Variants in PTPRD observed in about 807,000 individuals in gnomAD.
The protein encoded by PTPRD is protein tyrosine phosphatase receptor type D, also known as receptor-type tyrosine-protein phosphatase delta.
Under a neutral mutation model 214.5 loss-of-function variants are expected in PTPRD, and 34 were observed. The observed-to-expected ratio is 0.16, with a 90% CI of 0.12 to 0.21. The LOEUF is 0.21. Ranked by LOEUF, PTPRD falls within the 10% of genes least tolerant of loss-of-function variation. The pLI is 1.00. For missense variants in PTPRD, 2,545 were observed against 2,398.7 expected (o/e 1.06, Z -1.27); for synonymous variants, 1,128 against 845.7 (o/e 1.33, Z -5.79).
At chr9:9,283,678 A>T (rs1948496056) in intron 9 of PTPRD, among the ~76,000 whole-genome samples, 2 of 151,532 alleles carry the variant, frequency 1.3e-5, no homozygotes, top group Non-Finnish European at 3.0e-5. Flanking sequence ...GAACAAAAAA[A>T]AGTTGACTGG....
chr9:8,905,826 C>G (rs2098704007), intron 11 of PTPRD, among the ~76,000 whole-genome samples: 1 of 151,766 alleles, frequency 6.6e-6, no homozygotes, highest in African/African-American at 2.4e-5. Flanking sequence ...TGTCTTGACA[C>G]AGGATATTTC....
intron 9 of PTPRD, among the ~76,000 whole-genome samples, chr9:9,371,529 G>T (rs916234153): frequency 3.2e-4 from 48 of 152,154 alleles, no homozygotes; most frequent in Non-Finnish European, 5.9e-4. Flanking sequence ...CTTGCTAGTG[G>T]TCTATCAGTT....
chr9:8,821,914 C>T (rs999615272), intron 11 of PTPRD, among the ~76,000 whole-genome samples: 1 of 152,150 alleles, frequency 6.6e-6, no homozygotes, highest in Non-Finnish European at 1.5e-5. Flanking sequence ...CCACCCACCT[C>T]GGTCTCTCAA....
intron 11 of PTPRD, among the ~76,000 whole-genome samples, chr9:8,840,756 AT>A (rs77917780): frequency 6.0e-5 from 9 of 150,604 alleles, no homozygotes; most frequent in Non-Finnish European, 7.4e-5. Context: ...CCCATTCTTA[AT>A]TTTTTTTTTA....
chr9:9,612,145 A>C (rs1330292056), intron 7 of PTPRD, among the ~76,000 whole-genome samples: 1 of 152,184 alleles, frequency 6.6e-6, no homozygotes, highest in Non-Finnish European at 1.5e-5. Flanking sequence ...AATTGAGTAC[A>C]TATTTACATT....
intron 21 of PTPRD, among the ~76,000 whole-genome samples, chr9:8,515,762 C>G (rs757570077): frequency 3.1e-4 from 47 of 152,260 alleles, no homozygotes; most frequent in South Asian, 1.2e-3. Context: ...AGGAACCAAT[C>G]CTGCCAACAC....
chr9:8,981,987 A>T (rs529163715), intron 11 of PTPRD, among the ~76,000 whole-genome samples: 1 of 152,158 alleles, frequency 6.6e-6, no homozygotes, highest in Non-Finnish European at 1.5e-5. Context: ...ATCACTTTTT[A>T]AAAGACTTAC....
chr9:8,504,248 G>C lies in PTPRD; in HGVS notation c.1822+13C>G, dbSNP rs1397483408. 2.5e-6 allele frequency: 4 copies of C among 1,613,706 alleles called. No homozygotes were observed. The highest frequency in any genetic ancestry group is 3.4e-6 in the Non-Finnish European group (4 of 1,179,880). ...AATAAAAAGGCAGAAAGTAAGCAAA[G>C]AGAGACACCTACTTGACTGCATGGT... On this transcript the variant is annotated intron_variant, in intron 23 of 45. Transcript: ENST00000381196.
chr9:10,607,524 C>T (rs2079768459), intron 2 of PTPRD, among the ~76,000 whole-genome samples: 1 of 151,814 alleles, frequency 6.6e-6, no homozygotes, highest in Non-Finnish European at 1.5e-5. Flanking sequence ...TACAATTAAT[C>T]AGCTATATTG....
At chr9:9,531,836 G>A in intron 8 of PTPRD, among the ~76,000 whole-genome samples, 1 of 152,014 alleles carries the variant, frequency 6.6e-6, no homozygotes, top group Non-Finnish European at 1.5e-5. Flanking sequence ...TTTTAAATAA[G>A]ATGTGTTCTT....
At chr9:8,513,621 G>A (rs2097725369) in intron 21 of PTPRD, among the ~76,000 whole-genome samples, 1 of 152,062 alleles carries the variant, frequency 6.6e-6, no homozygotes. Context: ...AAAAATTGCA[G>A]TGAAAATAAT....
At chr9:8,578,650 G>A (rs773848022) in intron 14 of PTPRD, among the ~76,000 whole-genome samples, 1 of 152,144 alleles carries the variant, frequency 6.6e-6, no homozygotes, top group Non-Finnish European at 1.5e-5. Context: ...CTAGCTTCAA[G>A]TATTTAGACA....
At chr9:9,580,711 C>T (rs1490273942) in intron 7 of PTPRD, among the ~76,000 whole-genome samples, 2 of 151,346 alleles carry the variant, frequency 1.3e-5, no homozygotes, top group Non-Finnish European at 3.0e-5. Flanking sequence ...ACCATGCCTG[C>T]CTAATTTTTG....
chr9:8,383,433 C>A (rs901392550), intron 37 of PTPRD, among the ~76,000 whole-genome samples: 2 of 152,218 alleles, frequency 1.3e-5, no homozygotes, highest in Non-Finnish European at 2.9e-5. Flanking sequence ...ATCTAACCTG[C>A]ATTCATTAGC....
intron 9 of PTPRD, among the ~76,000 whole-genome samples, chr9:9,259,400 G>A (rs905985558): frequency 6.6e-6 from 1 of 151,768 alleles, no homozygotes; most frequent in Admixed American, 6.6e-5. Flanking sequence ...ACATGTTTCT[G>A]GAGATTCTGC....
At chr9:9,722,399 C>T (rs188335422) in intron 7 of PTPRD, among the ~76,000 whole-genome samples, 4 of 152,104 alleles carry the variant, frequency 2.6e-5, no homozygotes, top group East Asian at 3.9e-4. Flanking sequence ...CGTAACAGTA[C>T]TTCATTTCTT....
chr9:9,916,628 A>G (rs2080899513), intron 5 of PTPRD, among the ~76,000 whole-genome samples: 1 of 151,992 alleles, frequency 6.6e-6, no homozygotes. Context: ...ATAAAAAAAG[A>G]TGTTCTGTGC....
At chr9:8,552,920 T>A (rs2082538296) in intron 14 of PTPRD, among the ~76,000 whole-genome samples, 1 of 152,152 alleles carries the variant, frequency 6.6e-6, no homozygotes, top group Non-Finnish European at 1.5e-5. Context: ...AACAATTGCC[T>A]CTGTTGCTAG....
At chr9:8,991,513 C>A (rs192716631) in intron 11 of PTPRD, among the ~76,000 whole-genome samples, 2 of 152,170 alleles carry the variant, frequency 1.3e-5, no homozygotes, top group African/African-American at 2.4e-5. Flanking sequence ...GCACCAGATA[C>A]CCTCAGTCCT....
Sources: allele counts gnomAD v4.1 joint callset (sites outside exome capture counted in the v4.1 genomes callset), GRCh38; gene constraint gnomAD v4.1.1; transcripts MANE v1.5; gene names NCBI Gene and HGNC (gene_info 2026-07-23, HGNC 2026-07-21).